MMAA: variants seen among roughly 807,000 people sequenced by gnomAD.
The protein encoded by MMAA is methylmalonic aciduria type A protein, mitochondrial.
Under a neutral mutation model 45.0 loss-of-function variants are expected in MMAA, and 41 were observed. The observed-to-expected ratio is 0.91, with a 90% CI of 0.71 to 1.18. MMAA has a LOEUF of 1.18. Ranked by LOEUF, MMAA falls within the 50% of genes most tolerant of loss-of-function variation. MMAA has a pLI of 0.00. For missense variants in MMAA, 460 were observed against 495.7 expected (o/e 0.93, Z 0.68); for synonymous variants, 154 against 178.2 (o/e 0.86, Z 1.08).
Position 145,655,116 on chromosome 4 carries a change from T to A in MMAA, c.970-31T>A, listed in dbSNP as rs773732423. ...TAAAAATTTTTTCTATCATTTTAAG[T>A]AAAATGGTCTGGTTCTTCCCTTTTC... is the stretch of plus-strand genomic sequence containing the variant. On this transcript the variant is annotated intron_variant, in intron 6 of 6. Transcript: ENST00000649156. 3.1e-6 allele frequency: 5 copies of A among 1,613,118 alleles called. No homozygotes were observed. The South Asian group carries it at 5.5e-5, about 18-fold the overall frequency.
At position 145,642,526 on chromosome 4, in the gene MMAA, G is replaced by A. The variant is rs557557386; in HGVS notation, c.562+41G>A. 2.5e-6 allele frequency: 4 copies of A among 1,612,982 alleles called. No homozygotes were observed. The African/African-American group carries it at 4.0e-5, about 16-fold the overall frequency. ...TCTTTTTCAATTGCAGAGGTCTGGG[G>A]GCTTTCTGTTACAATTTAGTAGGAA... On this transcript the variant is annotated intron_variant, in intron 3 of 6. Transcript: ENST00000649156.
At chr4:145,652,684 C>T (rs1301730737) in intron 5 of MMAA, among the ~76,000 whole-genome samples, 2 of 151,644 alleles carry the variant, frequency 1.3e-5, no homozygotes, top group African/African-American at 4.8e-5. Context: ...GAGCCAAGAT[C>T]GCACCACTGC....
chr4:145,653,695 G>A (rs1294608969), intron 5 of MMAA, among the ~76,000 whole-genome samples: 8 of 152,252 alleles, frequency 5.3e-5, no homozygotes, highest in Admixed American at 4.6e-4. Flanking sequence ...ATTCCATCAC[G>A]AGATAATGTG....
chr4:145,622,246 G>T (rs141149717), intron 1 of MMAA, among the ~76,000 whole-genome samples: 11,442 of 151,584 alleles, frequency 0.075, 553 homozygotes, highest in South Asian at 0.15. Context: ...TTAAAAATGG[G>T]AGTTTCCCTA....
intron 1 of MMAA, chr4:145,625,572 C>G: frequency 2.6e-6 from 2 of 767,604 alleles, no homozygotes; most frequent in Non-Finnish European, 4.8e-6. Flanking sequence ...TTTGAGAGAC[C>G]TAAATATGGT....
intron 1 of MMAA, among the ~76,000 whole-genome samples, chr4:145,632,323 C>T (rs1727467471): frequency 6.6e-6 from 1 of 152,082 alleles, no homozygotes; most frequent in South Asian, 2.1e-4. Flanking sequence ...TAGGTTATGC[C>T]ATTCTCTCCT....
chr4:145,635,335 G>A lies in MMAA; in HGVS notation c.-65-3740G>A, dbSNP rs770626000. 2.6e-5 allele frequency among the ~76,000 whole-genome samples: 4 copies of A among 152,238 alleles called. No homozygotes were observed. The East Asian group carries it at 5.8e-4, about 22-fold the overall frequency. On this transcript the variant is annotated intron_variant, in intron 1 of 6. Coordinates refer to ENST00000649156, the MANE Select transcript of MMAA (RefSeq NM_172250.3). Reference sequence around the variant, plus strand: ...GTGTGGTGCCAGCTGAGTTTTTCAGGTTTGCTTTCTGCTATAACAGGGCGG... The same window carrying A: ...GTGTGGTGCCAGCTGAGTTTTTCAGATTTGCTTTCTGCTATAACAGGGCGG...
chr4:145,630,351 C>G (rs1414277593), intron 1 of MMAA, among the ~76,000 whole-genome samples: 1 of 152,200 alleles, frequency 6.6e-6, no homozygotes, highest in East Asian at 1.9e-4. Flanking sequence ...GTAATGTCTC[C>G]TTTTTCATCT....
chr4:145,651,526 C>T (rs1486953761), intron 5 of MMAA, among the ~76,000 whole-genome samples: 1 of 152,176 alleles, frequency 6.6e-6, no homozygotes, highest in Non-Finnish European at 1.5e-5. Context: ...TTCTTACTCT[C>T]CTCTGCACCG....
At chr4:145,651,275 T>C (rs1728080594) in intron 5 of MMAA, 128 bp downstream of exon 5, 2 of 802,468 alleles carry the variant, frequency 2.5e-6, no homozygotes, top group East Asian at 5.4e-5. Context: ...TCATGTTGGC[T>C]AAAATACCTG....
chr4:145,636,912 A>G (rs1405328321), intron 1 of MMAA, among the ~76,000 whole-genome samples: 4 of 152,256 alleles, frequency 2.6e-5, no homozygotes, highest in Non-Finnish European at 5.9e-5. Flanking sequence ...ATATGTCCAC[A>G]TCCTAATCCC....
In MMAA at chr4:145,657,596, T is replaced by C. The variant is rs989853211; in HGVS notation, c.*2162T>C. 1 of 152,198 alleles carries C rather than the reference T, an allele frequency of 6.6e-6. No homozygotes were observed. The highest frequency in any genetic ancestry group is 6.5e-5 in the Admixed American group (1 of 15,278). The allele number at this position is 152,198 out of a possible 1,614,324, so 9.4% of individuals were successfully genotyped here. A position where few individuals can be genotyped will look rare whatever the true frequency, so the allele number is the denominator to read the frequency against. ...TAAGATAATAGCTACTTTACAGGGT[T>C]GGAAGAATTAATTTAGAAATTGTAC... On this transcript the variant is annotated 3_prime_UTR_variant, in exon 7 of 7. Coordinates refer to ENST00000649156, the MANE Select transcript of MMAA (RefSeq NM_172250.3).
intron 1 of MMAA, among the ~76,000 whole-genome samples, chr4:145,636,891 C>T (rs1727630267): frequency 6.6e-6 from 1 of 152,160 alleles, no homozygotes; most frequent in Non-Finnish European, 1.5e-5. Flanking sequence ...CGAAAGATGG[C>T]CTTCAAAAAG....
intron 2 of MMAA, among the ~76,000 whole-genome samples, chr4:145,641,455 C>T (rs774523813): frequency 6.6e-6 from 1 of 152,002 alleles, no homozygotes; most frequent in Non-Finnish European, 1.5e-5. Flanking sequence ...TTGGATCTGC[C>T]CCAAGAATTG....
rs374795215 is a variant in MMAA, at chr4:145,654,114, C to G, written c.940C>G (p.Arg314Gly). The G allele has an allele frequency of 1.9e-6, 3 of 1,614,120 alleles. No individual in the cohort carries two copies. The highest frequency in any genetic ancestry group is 2.5e-6 in the Non-Finnish European group (3 of 1,179,998). Residue 314 changes from arginine (R) to glycine (G), a missense_variant, in exon 6 of 7, where the codon CGC becomes GGC. Arg to Gly is a moderately radical substitution (Grantham distance 125). Transcript: ENST00000649156. ...ATATGTGAGTGCACTGAAATTACTC[C>G]GCAAACGTTCACAAGTCTGGAAACC... ...AEYVSALKLL[R>G]KRSQVWKPKV...
intron 1 of MMAA, among the ~76,000 whole-genome samples, chr4:145,635,211 A>T (rs1417971301): frequency 6.6e-6 from 1 of 152,146 alleles, no homozygotes; most frequent in Non-Finnish European, 1.5e-5. Flanking sequence ...ACTTTAACCC[A>T]CAGTGGCTAG....
intron 1 of MMAA, chr4:145,625,100 G>T: frequency 9.8e-7 from 1 of 1,021,816 alleles, no homozygotes; most frequent in Non-Finnish European, 1.5e-6. Flanking sequence ...TTCCTGGAGA[G>T]TCACTAGCCA....
intron 3 of MMAA, among the ~76,000 whole-genome samples, chr4:145,645,256 G>A (rs958123565): frequency 6.6e-6 from 1 of 152,204 alleles, no homozygotes; most frequent in Admixed American, 6.5e-5. Flanking sequence ...TGCCCTCCAG[G>A]ATGCTGGCAT....
At chr4:145,645,914 C>A in intron 3 of MMAA, 72 bp from the exon 4 acceptor site, 1 of 1,468,364 alleles carries the variant, frequency 6.8e-7, no homozygotes, top group Non-Finnish European at 9.5e-7. Flanking sequence ...TAAAGCACTT[C>A]CCTCTAGGAA....
Sources: allele counts gnomAD v4.1 joint callset (sites outside exome capture counted in the v4.1 genomes callset), GRCh38; gene constraint gnomAD v4.1.1; transcripts MANE v1.5; gene names NCBI Gene and HGNC (gene_info 2026-07-23, HGNC 2026-07-21).